Variants in STPG2 observed in about 807,000 individuals in gnomAD.
STPG2 encodes sperm tail PG-rich repeat containing 2, also known as sperm-tail PG-rich repeat-containing protein 2.
A neutral mutation model predicts 54.2 loss-of-function variants in STPG2; 56 were observed. That is an observed-to-expected ratio of 1.03 (90% CI 0.83 to 1.29). The LOEUF is 1.29. Among genes scored for constraint, STPG2 ranks in the 50% most tolerant of loss-of-function variants. The pLI is 0.00. For missense variants in STPG2, 596 were observed against 544.9 expected (o/e 1.09, Z -0.93); for synonymous variants, 200 against 181.8 (o/e 1.10, Z -0.81).
chr4:97,884,862 T>A (rs982117157), intron 8 of STPG2, among the ~76,000 whole-genome samples: 1 of 152,088 alleles, frequency 6.6e-6, no homozygotes, highest in Non-Finnish European at 1.5e-5. Context: ...TCTTCTGACC[T>A]ACCTTTTCCT....
At chr4:97,856,567 CAGTG>C (rs1729344837) in intron 8 of STPG2, among the ~76,000 whole-genome samples, 1 of 152,200 alleles carries the variant, frequency 6.6e-6, no homozygotes, top group Non-Finnish European at 1.5e-5. Context: ...TGGTCTGAGA[CAGTG>C]AGATTTTCTA....
chr4:97,872,495 C>T (rs180978933), intron 8 of STPG2, among the ~76,000 whole-genome samples: 3 of 150,932 alleles, frequency 2.0e-5, no homozygotes, highest in African/African-American at 7.3e-5. Flanking sequence ...AGAAGACACT[C>T]TAAGTAGAAA....
chr4:97,876,822 A>C (rs2149160669), intron 8 of STPG2, among the ~76,000 whole-genome samples: 1 of 152,144 alleles, frequency 6.6e-6, no homozygotes, highest in East Asian at 1.9e-4. Flanking sequence ...TATTTTCTGC[A>C]AAGAGACTCT....
chr4:98,124,997 G>A (rs766466956), intron 3 of STPG2, among the ~76,000 whole-genome samples: 4 of 152,166 alleles, frequency 2.6e-5, no homozygotes, highest in Non-Finnish European at 5.9e-5. Flanking sequence ...GCACTGTGAA[G>A]TTTTCATGTT....
At chr4:98,044,150 C>T (rs1737045804) in intron 5 of STPG2, among the ~76,000 whole-genome samples, 1 of 152,118 alleles carries the variant, frequency 6.6e-6, no homozygotes, top group Non-Finnish European at 1.5e-5. Flanking sequence ...TATATATTAG[C>T]ATAATTTAGT....
At chr4:97,910,961 G>A (rs555548307) in intron 8 of STPG2, among the ~76,000 whole-genome samples, 14 of 152,114 alleles carry the variant, frequency 9.2e-5, no homozygotes, top group African/African-American at 2.4e-4. Flanking sequence ...CCAGGTTCTC[G>A]TTTGGTACTG....
intron 5 of STPG2, among the ~76,000 whole-genome samples, chr4:98,030,438 A>G (rs1736559442): frequency 6.6e-6 from 1 of 152,192 alleles, no homozygotes; most frequent in Non-Finnish European, 1.5e-5. Flanking sequence ...AAATTTCCAC[A>G]ATGTTGTTAA....
At chr4:98,043,595 T>C (rs1469777011) in intron 5 of STPG2, among the ~76,000 whole-genome samples, 2 of 152,092 alleles carry the variant, frequency 1.3e-5, no homozygotes, top group South Asian at 4.1e-4. Context: ...TCAATTTACC[T>C]CTCCTCCCGC....
intron 8 of STPG2, among the ~76,000 whole-genome samples, chr4:97,867,418 C>G (rs1729831596): frequency 6.6e-6 from 1 of 151,926 alleles, no homozygotes; most frequent in African/African-American, 2.4e-5. Flanking sequence ...TCAATTAACT[C>G]CTTGTGAGAT....
At chr4:97,850,071 T>C (rs374075022) in intron 8 of STPG2, among the ~76,000 whole-genome samples, 3 of 151,380 alleles carry the variant, frequency 2.0e-5, no homozygotes, top group Non-Finnish European at 2.9e-5. Flanking sequence ...CACATATACA[T>C]CATGGAATAC....
intron 5 of STPG2, among the ~76,000 whole-genome samples, chr4:98,052,505 T>C (rs910792582): frequency 6.6e-6 from 1 of 152,226 alleles, no homozygotes; most frequent in African/African-American, 2.4e-5. Context: ...TCTAAGGATA[T>C]ACATATAGGT....
intron 5 of STPG2, among the ~76,000 whole-genome samples, chr4:98,096,223 C>T (rs1465260086): frequency 6.6e-6 from 1 of 152,004 alleles, no homozygotes; most frequent in African/African-American, 2.4e-5. Flanking sequence ...GGGGAGACTT[C>T]GTCTCTACAA....
At chr4:97,790,469 C>A (rs1726958231) in intron 9 of STPG2, among the ~76,000 whole-genome samples, 1 of 152,052 alleles carries the variant, frequency 6.6e-6, no homozygotes, top group Non-Finnish European at 1.5e-5. Flanking sequence ...GTCTTTGTTC[C>A]TTTTCTGGAT....
At chr4:97,646,343 A>G (rs1721912019) in intron 10 of STPG2, among the ~76,000 whole-genome samples, 1 of 152,080 alleles carries the variant, frequency 6.6e-6, no homozygotes, top group Non-Finnish European at 1.5e-5. Flanking sequence ...TCTCATTATC[A>G]GTCTTATTAC....
At chr4:97,582,045 C>T (rs1732875299) in intron 10 of STPG2, among the ~76,000 whole-genome samples, 1 of 151,718 alleles carries the variant, frequency 6.6e-6, no homozygotes, top group Non-Finnish European at 1.5e-5. Flanking sequence ...GAAATTTAAC[C>T]TTAAAATAAT....
intron 4 of STPG2, among the ~76,000 whole-genome samples, chr4:97,443,135 A>G (rs2148791609): frequency 6.6e-6 from 1 of 152,302 alleles, no homozygotes; most frequent in South Asian, 2.1e-4. Context: ...AGGGCCAGAA[A>G]TTTGGTGAGA....
chr4:97,808,761 G>T (rs941342873), intron 9 of STPG2, among the ~76,000 whole-genome samples: 3 of 145,432 alleles, frequency 2.1e-5, no homozygotes, highest in Non-Finnish European at 4.5e-5. Context: ...GTAAAAGGAA[G>T]AAAAAAATGT....
chr4:97,550,630 G>A (rs1161008872), intron 4 of STPG2, among the ~76,000 whole-genome samples: 2 of 152,098 alleles, frequency 1.3e-5, no homozygotes, highest in Admixed American at 6.6e-5. Context: ...CTTCCGGTGG[G>A]TTCTTGGTCT....
intron 5 of STPG2, among the ~76,000 whole-genome samples, chr4:98,001,139 G>A (rs139558088): frequency 3.3e-3 from 498 of 152,044 alleles, no homozygotes; most frequent in Middle Eastern, 0.031. Flanking sequence ...ATTTAATATC[G>A]TAAATCTGAA....
Sources: gnomAD v4.1 joint callset for allele counts (sites outside exome capture counted in the v4.1 genomes callset) on GRCh38, gnomAD v4.1.1 for gene constraint, MANE v1.5 for transcripts, NCBI Gene and HGNC (gene_info 2026-07-23, HGNC 2026-07-21) for gene names.